Variants in CERS3 observed in about 807,000 individuals in gnomAD.
CERS3 encodes the protein LAG1 homolog, ceramide synthase 3.
CERS3 carries 33 observed loss-of-function variants against 50.3 expected under a neutral mutation model. That is an observed-to-expected ratio of 0.66 (90% confidence interval 0.50 to 0.88). The LOEUF is 0.88. CERS3 is among the 40% of genes least tolerant of loss of function. The pLI, the probability that CERS3 is intolerant of heterozygous loss-of-function variation, is 0.00. For synonymous variants in CERS3, 176 were observed against 155.2 expected (o/e 1.13, Z -0.99); for missense variants, 470 against 460.3 (o/e 1.02, Z -0.19).
chr15:100,527,796 G>A (rs1214270888), intron 1 of CERS3, among the ~76,000 whole-genome samples: 1 of 152,194 alleles, frequency 6.6e-6, no homozygotes, highest in Non-Finnish European at 1.5e-5. Flanking sequence ...CAATTTGATT[G>A]ATATTTTAGA....
chr15:100,473,156 A>G, intron 8 of CERS3, 104 bp from the exon 9 acceptor site: 1 of 1,211,718 alleles, frequency 8.3e-7, no homozygotes, highest in Non-Finnish European at 1.1e-6. Context: ...TTACATCTGC[A>G]TGTTTTGAAA....
chr15:100,501,827 C>T lies in CERS3; in HGVS notation c.23G>A (p.Trp8Ter), dbSNP rs751463099. MFWTFKE[W>*]FWLERFWLPP... ...AAGCCAGAATCTTTCCAACCAGAAC[C>T]ATTCTTTAAACGTCCAAAACATTCT... The change falls in exon 3 of 12, where the codon TGG becomes TAG. Residue 8 changes from tryptophan (W) to a stop codon, truncating the protein, a stop_gained. Transcript: ENST00000679737. LOFTEE classifies it high-confidence loss of function. 3 of 1,614,068 alleles carry T rather than the reference C, an allele frequency of 1.9e-6. No homozygotes were observed. Among genetic ancestry groups the T allele is most frequent in the Non-Finnish European group, 2.5e-6 (3 of 1,179,980 alleles).
intron 1 of CERS3, among the ~76,000 whole-genome samples, chr15:100,522,679 T>C (rs531113820): frequency 1.3e-5 from 2 of 152,352 alleles, no homozygotes; most frequent in East Asian, 3.9e-4. Flanking sequence ...ATCCCATGAC[T>C]ATATCACTAT....
At chr15:100,525,288 C>G (rs1259253310) in intron 1 of CERS3, among the ~76,000 whole-genome samples, 1 of 152,138 alleles carries the variant, frequency 6.6e-6, no homozygotes, top group Non-Finnish European at 1.5e-5. Context: ...TAATCCACCA[C>G]CAGCACAAAT....
chr15:100,417,814 A>G lies in CERS3; in HGVS notation c.1000-14949T>C, dbSNP rs568647004. Among the ~76,000 whole-genome samples, 401 of 151,236 alleles carry G rather than the reference A, an allele frequency of 2.7e-3. 15 individuals are homozygous for G. The highest frequency in any genetic ancestry group is 8.3e-3 in the African/African-American group (337 of 40,568). ...CCTAACTGAGAGGCACCCCCCAGCAAGGGCACACTGACACCTCACACAGCA... is the reference window on the plus strand; with the variant it reads ...CCTAACTGAGAGGCACCCCCCAGCAGGGGCACACTGACACCTCACACAGCA... On this transcript the variant is annotated intron_variant, in intron 11 of 11. Transcript: ENST00000679737.
intron 2 of CERS3, among the ~76,000 whole-genome samples, chr15:100,515,733 C>T (rs11247214): frequency 0.32 from 48,862 of 151,886 alleles, 8,020 homozygotes; most frequent in East Asian, 0.37. Flanking sequence ...TTTTCAAAGG[C>T]AGAACTCCCC....
At chr15:100,510,377 C>G (rs1247591297) in intron 2 of CERS3, among the ~76,000 whole-genome samples, 3 of 151,884 alleles carry the variant, frequency 2.0e-5, no homozygotes, top group African/African-American at 4.8e-5. Flanking sequence ...TTCTCCTATA[C>G]AAAATTTAAC....
intron 1 of CERS3, among the ~76,000 whole-genome samples, chr15:100,539,828 G>T (rs2037157219): frequency 6.6e-6 from 1 of 152,136 alleles, no homozygotes; most frequent in Admixed American, 6.5e-5. Context: ...TTGCTTCTGT[G>T]ACATCAAAGC....
intron 3 of CERS3, among the ~76,000 whole-genome samples, chr15:100,497,894 CACTT>C (rs1422345173): frequency 2.9e-4 from 8 of 27,646 alleles, no homozygotes; most frequent in East Asian, 1.9e-3. Flanking sequence ...CACACACACA[CACTT>C]TTTTTTTTTT....
intron 9 of CERS3, among the ~76,000 whole-genome samples, chr15:100,470,046 A>G (rs895938778): frequency 6.6e-6 from 1 of 152,192 alleles, no homozygotes; most frequent in African/African-American, 2.4e-5. Context: ...GCTAGTCTAT[A>G]CTGCTCATAT....
chr15:100,525,303 T>C (rs971154214), intron 1 of CERS3, among the ~76,000 whole-genome samples: 1 of 152,162 alleles, frequency 6.6e-6, no homozygotes, highest in African/African-American at 2.4e-5. Context: ...ACAAATCATC[T>C]CCACAGATTT....
At chr15:100,489,516 T>G (rs1427196417) in intron 4 of CERS3, among the ~76,000 whole-genome samples, 1 of 152,174 alleles carries the variant, frequency 6.6e-6, no homozygotes, top group African/African-American at 2.4e-5. Flanking sequence ...ATAGCAAGGA[T>G]AGCAACGAAT....
intron 3 of CERS3, among the ~76,000 whole-genome samples, chr15:100,495,731 G>T (rs903195145): frequency 2.6e-5 from 4 of 151,756 alleles, no homozygotes; most frequent in African/African-American, 9.7e-5. Context: ...TCTGTGGCTT[G>T]CCTTTTTATT....
chr15:100,433,764 C>G (rs1302566416), intron 11 of CERS3, among the ~76,000 whole-genome samples: 2 of 152,276 alleles, frequency 1.3e-5, no homozygotes. Flanking sequence ...CAAACACTCT[C>G]AACTGACATG....
chr15:100,464,896 A>C (rs1161014312), intron 10 of CERS3, among the ~76,000 whole-genome samples: 1 of 152,210 alleles, frequency 6.6e-6, no homozygotes, highest in Non-Finnish European at 1.5e-5. Flanking sequence ...ACTCTTGCAG[A>C]TGCTGACTGA....
chr15:100,479,390 G>A, intron 7 of CERS3, 38 bp downstream of exon 7: 2 of 1,489,456 alleles, frequency 1.3e-6, no homozygotes, highest in Non-Finnish European at 1.8e-6. Flanking sequence ...GGATCTTGGT[G>A]TTCAAGTAAG....
chr15:100,403,162 C>T (rs745678060), intron 11 of CERS3, among the ~76,000 whole-genome samples: 5 of 152,050 alleles, frequency 3.3e-5, no homozygotes, highest in Non-Finnish European at 7.4e-5. Context: ...TCTAAACAAT[C>T]GCTGGGTCAA....
At chr15:100,415,346 T>C (rs556377624) in intron 11 of CERS3, among the ~76,000 whole-genome samples, 32 of 152,246 alleles carry the variant, frequency 2.1e-4, no homozygotes, top group African/African-American at 7.5e-4. Flanking sequence ...TAAACTTGCA[T>C]TGGGAATGCA....
intron 11 of CERS3, among the ~76,000 whole-genome samples, chr15:100,447,231 C>A (rs1446888516): frequency 6.6e-6 from 1 of 152,220 alleles, no homozygotes; most frequent in Non-Finnish European, 1.5e-5. Context: ...TTGGTCTCCA[C>A]AACTCCTTAT....
Sources: gnomAD v4.1 joint callset for allele counts (sites outside exome capture counted in the v4.1 genomes callset) on GRCh38, gnomAD v4.1.1 for gene constraint, MANE v1.5 for transcripts, NCBI Gene and HGNC (gene_info 2026-07-23, HGNC 2026-07-21) for gene names.